ABRAXAS1: variants seen among roughly 807,000 people sequenced by gnomAD.
ABRAXAS1 encodes BRCA1-A complex subunit Abraxas 1.
A neutral mutation model predicts 38.4 loss-of-function variants in ABRAXAS1; 26 were observed. That is an observed-to-expected ratio of 0.68 (90% confidence interval 0.50 to 0.94). The LOEUF is 0.94. ABRAXAS1 is among the 40% of genes least tolerant of loss of function. The pLI is 0.00. For missense variants in ABRAXAS1, 438 were observed against 481.9 expected, an observed-to-expected ratio of 0.91 and a Z score of 0.85; for synonymous variants, 144 against 165.5, an observed-to-expected ratio of 0.87 and a Z score of 1.00.
In ABRAXAS1 at chr4:83,461,315, A is replaced by AC; in HGVS notation, c.*1153dup. On this transcript the variant is annotated 3_prime_UTR_variant, in exon 9 of 9. Transcript: ENST00000321945. ...TTTGAGGAGTGAGGTAAAGAATGAC[A>AC]CTTCCCCTTCATACCAATGTCCATT... The AC allele has an allele frequency of 1.3e-6, 1 of 796,914 alleles. No individual in the cohort carries two copies. The highest frequency in any genetic ancestry group is 2.5e-5 in the East Asian group (1 of 40,206). 49.4% of individuals were successfully genotyped at this position (796,914 alleles called of 1,614,324 possible). A position where few individuals can be genotyped will look rare whatever the true frequency, so the allele number is the denominator to read the frequency against.
chr4:83,459,569 A>G lies in ABRAXAS1; in HGVS notation c.*2900T>C. 1 of 578,894 alleles carries G rather than the reference A, an allele frequency of 1.7e-6. No homozygotes were observed. Among genetic ancestry groups the G allele is most frequent in the Non-Finnish European group, 3.1e-6 (1 of 327,818 alleles). 35.9% of individuals were successfully genotyped at this position (578,894 alleles called of 1,614,324 possible). A position where few individuals can be genotyped will look rare whatever the true frequency, so the allele number is the denominator to read the frequency against. ...TATAGACTTGACACACTGGATAGAA[A>G]ATATTTAAAAGGTAACAGGAGGATA... On this transcript the variant is annotated 3_prime_UTR_variant, in exon 9 of 9. Transcript: ENST00000321945.
chr4:83,463,685 A>G lies in ABRAXAS1; in HGVS notation c.682-77T>C, dbSNP rs531383036. On this transcript the variant is annotated intron_variant, in intron 7 of 8. Transcript: ENST00000321945. ...AATACAGTCTAGATTCACAAATAATATAAAATCATTGGTGGTATATAATAC... is the reference window on the plus strand; with the variant it reads ...AATACAGTCTAGATTCACAAATAATGTAAAATCATTGGTGGTATATAATAC... 6 of 734,824 alleles carry G rather than the reference A, an allele frequency of 8.2e-6. No homozygotes were observed. In the South Asian group the frequency reaches 1.3e-4, roughly 16 times the overall value. The allele number at this position is 734,824 out of a possible 1,614,324, so 45.5% of individuals were successfully genotyped here.
At chr4:83,484,427 T>C (rs751615112) in intron 1 of ABRAXAS1, among the ~76,000 whole-genome samples, 1 of 152,242 alleles carries the variant, frequency 6.6e-6, no homozygotes, top group Non-Finnish European at 1.5e-5. Flanking sequence ...AAAACTGTTT[T>C]AACAAATTTA....
intron 1 of ABRAXAS1, among the ~76,000 whole-genome samples, chr4:83,483,728 G>GGC (rs577407238): frequency 2.4e-3 from 359 of 152,130 alleles, no homozygotes; most frequent in African/African-American, 8.2e-3. Flanking sequence ...AAGCAGGGGG[G>GGC]CAATGCAAGT....
chr4:83,478,990 T>A (rs1578134401), intron 2 of ABRAXAS1: 1 of 152,088 alleles, frequency 6.6e-6, no homozygotes, highest in African/African-American at 2.4e-5. Context: ...AGAAAAAAAG[T>A]AAAAAGTATC....
intron 5 of ABRAXAS1, chr4:83,469,980 G>C (rs1722520393): frequency 2.6e-6 from 1 of 387,364 alleles, no homozygotes; most frequent in South Asian, 9.9e-5. Context: ...CAAATCTTCA[G>C]TGCCAGAATA....
At chr4:83,481,652 C>T (rs1043987174) in intron 2 of ABRAXAS1, among the ~76,000 whole-genome samples, 3 of 152,188 alleles carry the variant, frequency 2.0e-5, no homozygotes, top group African/African-American at 7.2e-5. Flanking sequence ...TCCTAAGTCT[C>T]ATACTATTTC....
chr4:83,482,391 A>C, intron 1 of ABRAXAS1, 147 bp from the exon 2 acceptor site: 1 of 511,696 alleles, frequency 2.0e-6, no homozygotes, highest in Non-Finnish European at 3.4e-6. Flanking sequence ...CTTCTAGTTT[A>C]CTTGGGAAAG....
Position 83,462,379 on chromosome 4 carries a change from C to G in ABRAXAS1, c.*90G>C. The G allele has an allele frequency of 8.8e-7, 1 of 1,137,140 alleles. No individual in the cohort carries two copies. The highest frequency in any genetic ancestry group is 1.3e-6 in the Non-Finnish European group (1 of 793,236). The allele number at this position is 1,137,140 out of a possible 1,614,324, so 70.4% of individuals were successfully genotyped here. On this transcript the variant is annotated 3_prime_UTR_variant, in exon 9 of 9. Transcript: ENST00000321945. ...AACATAGTAAAAACAAATGAACTTA[C>G]TGCAAGTAGCTCAACATAGTAAAAA...
intron 1 of ABRAXAS1, among the ~76,000 whole-genome samples, chr4:83,483,449 T>G (rs533547529): frequency 1.1e-4 from 17 of 152,134 alleles, no homozygotes; most frequent in Admixed American, 9.8e-4. Flanking sequence ...CCGGGCTAAT[T>G]TTTAAAATTT....
chr4:83,473,391 A>G (rs1722651975), intron 3 of ABRAXAS1, among the ~76,000 whole-genome samples: 1 of 152,208 alleles, frequency 6.6e-6, no homozygotes. Flanking sequence ...TCCACTTCTG[A>G]GCTCAAATCG....
chr4:83,463,586 T>C lies in ABRAXAS1; in HGVS notation c.704A>G (p.Asp235Gly). 6.2e-7 allele frequency: 1 copy of C among 1,608,684 alleles called. No homozygotes were observed. Among genetic ancestry groups the C allele is most frequent in the Non-Finnish European group, 8.5e-7 (1 of 1,177,996 alleles). The change falls in exon 8 of 9, where the codon GAC (aspartate) becomes GGC (glycine). Residue 235 changes from aspartate to glycine, a missense_variant. Around this residue, in one of 3 missense-constraint regions of ABRAXAS1, gnomAD observed 194 missense variants for 269.0 expected, o/e 0.72. Coordinates refer to ENST00000321945, the MANE Select transcript of ABRAXAS1 (RefSeq NM_139076.3). ...ELKSICKKVE[D>G]SEQAVDKLVK... is the part of the protein sequence containing the mutation. Reference sequence around the variant, plus strand: ...TAGTTTATCTACTGCTTGTTCACTGTCTTCCACTTTTTTGCATATACTCTG... The same window carrying C: ...TAGTTTATCTACTGCTTGTTCACTGCCTTCCACTTTTTTGCATATACTCTG...
intron 7 of ABRAXAS1, among the ~76,000 whole-genome samples, chr4:83,466,064 G>A (rs1323520815): frequency 6.6e-6 from 1 of 152,122 alleles, no homozygotes; most frequent in Non-Finnish European, 1.5e-5. Flanking sequence ...CACACTGCAG[G>A]TATTAGTGCA....
intron 3 of ABRAXAS1, among the ~76,000 whole-genome samples, chr4:83,476,233 C>CA (rs1425921964): frequency 1.3e-5 from 2 of 151,980 alleles, no homozygotes; most frequent in African/African-American, 4.8e-5. Context: ...AGCTAACAGA[C>CA]AAAAAATAAC....
chr4:83,479,381 G>A (rs997268542), intron 2 of ABRAXAS1: 7 of 141,506 alleles, frequency 4.9e-5, no homozygotes, highest in African/African-American at 1.6e-4. Flanking sequence ...TCCAGCCTGG[G>A]TGACAGAGTG....
intron 3 of ABRAXAS1, among the ~76,000 whole-genome samples, chr4:83,472,765 G>A (rs927106659): frequency 6.6e-6 from 1 of 152,146 alleles, no homozygotes; most frequent in African/African-American, 2.4e-5. Context: ...TTTTTGGGGT[G>A]GGGGAAGGGA....
At chr4:83,470,417 G>T in intron 4 of ABRAXAS1, 21 bp from the exon 5 acceptor site, 1 of 1,555,414 alleles carries the variant, frequency 6.4e-7, no homozygotes, top group Non-Finnish European at 8.8e-7. Flanking sequence ...GAATAAAAAG[G>T]ATATACATCT....
intron 2 of ABRAXAS1, chr4:83,479,197 G>GT (rs957413275): frequency 7.9e-5 from 12 of 152,286 alleles, no homozygotes; most frequent in African/African-American, 2.9e-4. Context: ...GAGGTCAGGT[G>GT]TTTGAGACCA....
chr4:83,459,530 G>A lies in ABRAXAS1; in HGVS notation c.*2939C>T, dbSNP rs140730978. 3.5e-5 allele frequency: 16 copies of A among 463,720 alleles called. No homozygotes were observed. The East Asian group carries it at 6.0e-4, about 17-fold the overall frequency. The allele number at this position is 463,720 out of a possible 1,614,324, so 28.7% of individuals were successfully genotyped here. A position where few individuals can be genotyped will look rare whatever the true frequency, so the allele number is the denominator to read the frequency against. ...ATTGAATGAATATGCTGATTAATCT[G>A]CTGTTTAATTATATATAGACTTGAC... On this transcript the variant is annotated 3_prime_UTR_variant, in exon 9 of 9. Transcript: ENST00000321945.
Sources: gnomAD v4.1 joint callset for allele counts (sites outside exome capture counted in the v4.1 genomes callset) on GRCh38, gnomAD v4.1.1 for gene constraint, gnomAD v4.1.1 regional missense constraint, MANE v1.5 for transcripts, NCBI Gene and HGNC (gene_info 2026-07-23, HGNC 2026-07-21) for gene names.